The following LSAMP variants were observed in gnomAD, a reference collection of about 807,000 sequenced individuals.
The protein encoded by LSAMP is limbic system associated membrane protein.
In LSAMP, 7 loss-of-function variants were observed where a neutral mutation model predicts 38.6. The observed-to-expected ratio is 0.18, with a 90% CI of 0.10 to 0.34. LSAMP has a LOEUF of 0.34. Among genes scored for constraint, LSAMP ranks in the 10% least tolerant of loss-of-function variants. LSAMP has a pLI of 1.00. For synonymous variants in LSAMP, 154 were observed against 166.8 expected (o/e 0.92, Z 0.59); for missense variants, 313 against 420.0 (o/e 0.75, Z 2.23).
chr3:116,072,752 G>T (rs868494970), intron 2 of LSAMP, among the ~76,000 whole-genome samples: 4,004 of 112,252 alleles, frequency 0.036, 89 homozygotes, highest in Non-Finnish European at 0.051. Flanking sequence ...GTTGTTTGTG[G>T]TTTTTTTTTT....
intron 3 of LSAMP, among the ~76,000 whole-genome samples, chr3:116,006,970 G>A (rs757285401): frequency 7.9e-5 from 12 of 152,006 alleles, no homozygotes; most frequent in South Asian, 2.1e-4. Flanking sequence ...ATAAAGACTC[G>A]GCTATCAGGC....
At chr3:116,378,612 A>G (rs1236478843) in intron 1 of LSAMP, among the ~76,000 whole-genome samples, 1 of 152,062 alleles carries the variant, frequency 6.6e-6, no homozygotes, top group Non-Finnish European at 1.5e-5. Context: ...ATGTCTTGGC[A>G]CTGAAAATGC....
intron 1 of LSAMP, among the ~76,000 whole-genome samples, chr3:116,372,254 A>G (rs2048439017): frequency 1.3e-5 from 2 of 152,072 alleles, no homozygotes; most frequent in South Asian, 4.1e-4. Context: ...CAGAGCCCCA[A>G]AATAAAGCTT....
At chr3:115,908,895 A>C (rs1363321921) in intron 3 of LSAMP, among the ~76,000 whole-genome samples, 1 of 152,156 alleles carries the variant, frequency 6.6e-6, no homozygotes, top group Non-Finnish European at 1.5e-5. Context: ...TCTTCAGTCA[A>C]GAGTGACATA....
At chr3:116,377,563 T>C (rs569788286) in intron 1 of LSAMP, among the ~76,000 whole-genome samples, 8 of 152,206 alleles carry the variant, frequency 5.3e-5, no homozygotes, top group African/African-American at 1.4e-4. Context: ...GTCTCTGTAA[T>C]AGAACGATTT....
intron 1 of LSAMP, among the ~76,000 whole-genome samples, chr3:116,273,829 C>CTT (rs1489276731): frequency 6.7e-6 from 1 of 149,914 alleles, no homozygotes; most frequent in Non-Finnish European, 1.5e-5. Flanking sequence ...CTCTCTCTCT[C>CTT]TCTTTCGCTT....
intron 1 of LSAMP, among the ~76,000 whole-genome samples, chr3:116,418,503 T>A (rs1490937636): frequency 6.6e-6 from 1 of 152,048 alleles, no homozygotes; most frequent in Non-Finnish European, 1.5e-5. Context: ...TTTTTTAAAT[T>A]TATTTTCAAT....
chr3:116,193,545 C>CA (rs892465957), intron 1 of LSAMP, among the ~76,000 whole-genome samples: 12 of 152,036 alleles, frequency 7.9e-5, no homozygotes, highest in Admixed American at 7.2e-4. Context: ...GCAACAACAA[C>CA]AAAAAAAGTA....
chr3:116,390,132 T>TGTATAC (rs1553730378), intron 1 of LSAMP, among the ~76,000 whole-genome samples: 2 of 147,262 alleles, frequency 1.4e-5, no homozygotes, highest in Admixed American at 6.8e-5. Context: ...TATGTATGTA[T>TGTATAC]ACACACACAC....
At chr3:116,350,296 A>G (rs1041719901) in intron 1 of LSAMP, among the ~76,000 whole-genome samples, 1 of 152,078 alleles carries the variant, frequency 6.6e-6, no homozygotes, top group African/African-American at 2.4e-5. Context: ...AGGTACAACT[A>G]TTGGTTAAGG....
intron 1 of LSAMP, among the ~76,000 whole-genome samples, chr3:116,162,154 C>G (rs1456311164): frequency 6.6e-6 from 1 of 152,116 alleles, no homozygotes; most frequent in African/African-American, 2.4e-5. Context: ...TAGTGCTAGT[C>G]TATAATAAAT....
At chr3:115,940,277 G>C (rs532314645) in intron 3 of LSAMP, among the ~76,000 whole-genome samples, 1 of 152,246 alleles carries the variant, frequency 6.6e-6, no homozygotes, top group South Asian at 2.1e-4. Flanking sequence ...TGGCTGGGGT[G>C]GCCAGCTTTT....
intron 3 of LSAMP, among the ~76,000 whole-genome samples, chr3:115,945,226 C>T (rs1392751195): frequency 1.3e-5 from 2 of 152,064 alleles, no homozygotes; most frequent in Non-Finnish European, 2.9e-5. Flanking sequence ...CAAATTATGG[C>T]TTACATACAT....
At chr3:115,995,927 G>A (rs1381891966) in intron 3 of LSAMP, among the ~76,000 whole-genome samples, 1 of 151,978 alleles carries the variant, frequency 6.6e-6, no homozygotes, top group African/African-American at 2.4e-5. Context: ...AACTTAGCTT[G>A]AGATACAATA....
At chr3:116,346,477 C>T (rs2048066163) in intron 1 of LSAMP, among the ~76,000 whole-genome samples, 1 of 152,060 alleles carries the variant, frequency 6.6e-6, no homozygotes, top group South Asian at 2.1e-4. Flanking sequence ...CACAGACGTG[C>T]ACCACCACAC....
intron 1 of LSAMP, among the ~76,000 whole-genome samples, chr3:116,197,779 T>C (rs1247877509): frequency 6.6e-6 from 1 of 152,198 alleles, no homozygotes; most frequent in Non-Finnish European, 1.5e-5. Flanking sequence ...TACTGAGCAC[T>C]GGTATGAGAT....
intron 1 of LSAMP, among the ~76,000 whole-genome samples, chr3:116,417,281 A>G (rs537423626): frequency 1.2e-4 from 18 of 152,294 alleles, no homozygotes; most frequent in African/African-American, 4.1e-4. Flanking sequence ...TCCTCCTCAA[A>G]AGGAAGGGAT....
intron 6 of LSAMP, among the ~76,000 whole-genome samples, chr3:115,810,833 A>T (rs1933803196): frequency 6.6e-6 from 1 of 152,092 alleles, no homozygotes; most frequent in Middle Eastern, 3.2e-3. Context: ...TGGCCAATTC[A>T]TCATGGCATC....
intron 1 of LSAMP, among the ~76,000 whole-genome samples, chr3:116,125,391 G>GT (rs371091331): frequency 0.011 from 1,018 of 90,292 alleles, 11 homozygotes; most frequent in African/African-American, 0.037. Context: ...TTCCTTCATT[G>GT]TTTTTTTTTT....
Sources: allele counts gnomAD v4.1 joint callset (sites outside exome capture counted in the v4.1 genomes callset), GRCh38; gene constraint gnomAD v4.1.1; transcripts MANE v1.5; gene names NCBI Gene and HGNC (gene_info 2026-07-23, HGNC 2026-07-21).